MLLT10: variants seen among roughly 807,000 people sequenced by gnomAD.
MLLT10 encodes the protein protein AF-10.
A neutral mutation model predicts 129.1 loss-of-function variants in MLLT10; 30 were observed. That is an observed-to-expected ratio of 0.23 (90% CI 0.17 to 0.32). The LOEUF (loss-of-function observed/expected upper bound fraction) is 0.32, where lower values mean the gene tolerates loss of function less well. Ranked by LOEUF, MLLT10 falls within the 10% of genes least tolerant of loss-of-function variation. MLLT10 has a pLI of 1.00. For synonymous variants in MLLT10, 490 were observed against 446.4 expected, an observed-to-expected ratio of 1.10 and a Z score of -1.23; for missense variants, 1,119 against 1,268.3, an observed-to-expected ratio of 0.88 and a Z score of 1.79.
intron 3 of MLLT10, among the ~76,000 whole-genome samples, chr10:21,559,148 A>G (rs967264262): frequency 1.3e-5 from 2 of 152,178 alleles, no homozygotes; most frequent in South Asian, 2.1e-4. Flanking sequence ...CAGTGGTACA[A>G]TCTTGGCTCA....
At chr10:21,548,443 C>T (rs1487996862) in intron 3 of MLLT10, among the ~76,000 whole-genome samples, 4 of 150,874 alleles carry the variant, frequency 2.7e-5, no homozygotes, top group Non-Finnish European at 5.9e-5. Context: ...GATCTCGGCT[C>T]ACTGCAAGCT....
intron 9 of MLLT10, chr10:21,668,846 GATACATGAGCAAAA>G (rs1258579696): frequency 3.7e-6 from 4 of 1,086,414 alleles, no homozygotes; most frequent in East Asian, 5.1e-5. Flanking sequence ...TTCTTTATTT[GATACATGAGCAAAA>G]ATACATGAGT....
chr10:21,691,296 G>T (rs1327828082), intron 13 of MLLT10, among the ~76,000 whole-genome samples: 2 of 152,070 alleles, frequency 1.3e-5, no homozygotes, highest in Non-Finnish European at 2.9e-5. Context: ...TCCTTGGTGG[G>T]CTGTTTCTAT....
At chr10:21,625,301 A>G (rs1464612470) in intron 8 of MLLT10, 3 of 825,228 alleles carry the variant, frequency 3.6e-6, no homozygotes, top group South Asian at 1.4e-5. Flanking sequence ...ATCCATAGCC[A>G]TAACAGCTGC....
At chr10:21,615,179 C>T (rs1386699293) in intron 7 of MLLT10, among the ~76,000 whole-genome samples, 1 of 151,594 alleles carries the variant, frequency 6.6e-6, no homozygotes. Flanking sequence ...AATATTAGGC[C>T]GGGTGTTGTG....
intron 3 of MLLT10, among the ~76,000 whole-genome samples, chr10:21,583,867 G>T (rs1433736908): frequency 6.6e-6 from 1 of 151,832 alleles, no homozygotes; most frequent in Non-Finnish European, 1.5e-5. Context: ...TTATCAATAG[G>T]CTCAATTTTT....
chr10:21,715,425 G>A (rs1429886867), intron 14 of MLLT10, among the ~76,000 whole-genome samples: 1 of 152,146 alleles, frequency 6.6e-6, no homozygotes, highest in Non-Finnish European at 1.5e-5. Flanking sequence ...TAAAAGTGAG[G>A]TAGCCATAAC....
At chr10:21,544,250 A>C (rs1411916836) in intron 3 of MLLT10, among the ~76,000 whole-genome samples, 2 of 152,244 alleles carry the variant, frequency 1.3e-5, no homozygotes, top group African/African-American at 4.8e-5. Flanking sequence ...ACGATACCTC[A>C]GCTCCTGATA....
At chr10:21,720,158 C>T (rs1488583626) in intron 14 of MLLT10, among the ~76,000 whole-genome samples, 2 of 152,214 alleles carry the variant, frequency 1.3e-5, no homozygotes, top group Non-Finnish European at 2.9e-5. Flanking sequence ...ACTTCATTCC[C>T]TCCTGCTACT....
At chr10:21,624,522 T>G (rs1348804061) in intron 8 of MLLT10, 4 of 969,792 alleles carry the variant, frequency 4.1e-6, no homozygotes, top group East Asian at 2.7e-5. Context: ...AAACAAAATT[T>G]TTTTTGAAGA....
chr10:21,632,719 C>T (rs1396132835), intron 8 of MLLT10, among the ~76,000 whole-genome samples: 5 of 152,060 alleles, frequency 3.3e-5, no homozygotes, highest in Admixed American at 2.6e-4. Flanking sequence ...TATGGCCTCT[C>T]TTTTGTATTT....
At chr10:21,648,870 C>T (rs1287176974) in intron 8 of MLLT10, among the ~76,000 whole-genome samples, 2 of 151,988 alleles carry the variant, frequency 1.3e-5, no homozygotes, top group Non-Finnish European at 1.5e-5. Flanking sequence ...GGGGAACTGC[C>T]CTTTATAAAA....
rs2058713825 is a variant in MLLT10 at position 21,740,252 on chromosome 10, TTAC to T, written c.3162+20_3162+22del. Reference sequence around the variant, plus strand: ...GAAAGTAGCAGTAAGTATATTTTCCTTACTACATCTAATGAAACAAGAACTGTA... The same window carrying T: ...GAAAGTAGCAGTAAGTATATTTTCCTTACATCTAATGAAACAAGAACTGTA... On this transcript the variant is annotated intron_variant, in intron 22 of 22. Coordinates refer to ENST00000307729, the MANE Select transcript of MLLT10 (RefSeq NM_001195626.3). The T allele has an allele frequency of 6.2e-7, 1 of 1,609,198 alleles. No individual in the cohort carries two copies. Among genetic ancestry groups the T allele is most frequent in the Non-Finnish European group, 8.5e-7 (1 of 1,175,762 alleles).
chr10:21,645,960 T>C (rs1302083540), intron 8 of MLLT10, among the ~76,000 whole-genome samples: 1 of 152,150 alleles, frequency 6.6e-6, no homozygotes, highest in Non-Finnish European at 1.5e-5. Context: ...ATCCCAGCAC[T>C]TTGGGAGGCC....
intron 3 of MLLT10, among the ~76,000 whole-genome samples, chr10:21,564,092 A>G (rs1011240424): frequency 6.6e-6 from 1 of 152,002 alleles, no homozygotes; most frequent in Non-Finnish European, 1.5e-5. Flanking sequence ...GATTACAGGC[A>G]TGAGCCACCG....
At position 21,743,401 on chromosome 10, in the gene MLLT10, AAATT is replaced by A. The variant is rs746209744; in HGVS notation, c.*1423_*1426del. On this transcript the variant is annotated 3_prime_UTR_variant, in exon 23 of 23. Transcript: ENST00000307729. ...AATTGGTAGATTTAATTGAAAAGTA[AAATT>A]AATTTATTTTTATATGTTCAGGGGA... 76 of 202,818 alleles carry A rather than the reference AAATT, an allele frequency of 3.7e-4. No individual in the cohort carries two copies. The highest frequency in any genetic ancestry group is 8.5e-4 in the East Asian group (11 of 12,920). The allele number at this position is 202,818 out of a possible 1,614,324, so 12.6% of individuals were successfully genotyped here. A position where few individuals can be genotyped will look rare whatever the true frequency, so the allele number is the denominator to read the frequency against.
At chr10:21,574,506 C>T (rs1311046018) in intron 3 of MLLT10, among the ~76,000 whole-genome samples, 3 of 152,148 alleles carry the variant, frequency 2.0e-5, no homozygotes, top group African/African-American at 4.8e-5. Context: ...AAAGTGAAAG[C>T]AAGTAACTTA....
chr10:21,573,933 A>G (rs560716301), intron 3 of MLLT10, among the ~76,000 whole-genome samples: 27 of 152,008 alleles, frequency 1.8e-4, no homozygotes, highest in East Asian at 7.7e-4. Flanking sequence ...TATGGGAGGG[A>G]TTTTGTTGTA....
At chr10:21,654,889 A>C (rs1019163123) in intron 9 of MLLT10, among the ~76,000 whole-genome samples, 3 of 152,038 alleles carry the variant, frequency 2.0e-5, no homozygotes, top group African/African-American at 7.2e-5. Flanking sequence ...GGGATTGTTG[A>C]AGGCTGCGCA....
Sources: allele counts gnomAD v4.1 joint callset (sites outside exome capture counted in the v4.1 genomes callset), GRCh38; gene constraint gnomAD v4.1.1; transcripts MANE v1.5; gene names NCBI Gene and HGNC (gene_info 2026-07-23, HGNC 2026-07-21).